The following SFI1 variants were observed in gnomAD, a reference collection of about 807,000 sequenced individuals.
SFI1 encodes protein SFI1 homolog.
SFI1 carries 195 observed loss-of-function variants against 207.5 expected under a neutral mutation model. The ratio of observed to expected loss-of-function variants is 0.94; its 90% confidence interval spans 0.84 to 1.06. The LOEUF (loss-of-function observed/expected upper bound fraction) is 1.06. Ranked by LOEUF, SFI1 falls within the 50% of genes least tolerant of loss-of-function variation. SFI1 has a pLI of 0.00. For synonymous variants in SFI1, 630 were observed against 598.9 expected, an observed-to-expected ratio of 1.05 and a Z score of -0.76; for missense variants, 1,634 against 1,588.0, an observed-to-expected ratio of 1.03 and a Z score of -0.49.
intron 1 of SFI1, among the ~76,000 whole-genome samples, chr22:31,506,625 CA>C (rs1057034275): frequency 6.6e-6 from 1 of 152,010 alleles, no homozygotes; most frequent in African/African-American, 2.4e-5. Context: ...CGTCTCAGCC[CA>C]AAAGCTTCTT....
At position 31,528,951 on chromosome 22, in the gene SFI1, C is replaced by G. The variant is rs993688755; in HGVS notation, c.266+88C>G. The G allele has an allele frequency of 2.5e-5, 33 of 1,336,144 alleles. No homozygotes were observed. The East Asian group carries it at 6.3e-4, about 25-fold the overall frequency. 82.8% of individuals were successfully genotyped at this position (1,336,144 alleles called of 1,614,324 possible). On this transcript the variant is annotated intron_variant, in intron 3 of 32. Coordinates refer to ENST00000400288, the MANE Select transcript of SFI1 (RefSeq NM_001007467.3). ...AATGGGGGAATGATTCTTATTCTTC[C>G]ACCGCAATTAGTGGGAGATCTTGAT...
chr22:31,608,218 C>A (rs2069404809), intron 22 of SFI1, among the ~76,000 whole-genome samples, 185 bp downstream of exon 22: 1 of 152,166 alleles, frequency 6.6e-6, no homozygotes, highest in Non-Finnish European at 1.5e-5. Flanking sequence ...GTTCTGGAGG[C>A]TGGCAGTCAG....
In SFI1 at chr22:31,536,917, C is replaced by CTT. The variant is rs566439554; in HGVS notation, c.338+5796_338+5797dup. Among the ~76,000 whole-genome samples, 12 of 149,432 alleles carry CTT rather than the reference C, an allele frequency of 8.0e-5. No individual in the cohort carries two copies. In the East Asian group the frequency reaches 2.1e-3, roughly 27 times the overall value. ...TTTTTGTTTTTTTTTTTAAAATTAA[C>CTT]TTTTTTTTTACCTTTAGAGACAGGG... On this transcript the variant is annotated intron_variant, in intron 4 of 32. Transcript: ENST00000400288.
chr22:31,564,066 ACCTGTAAT>A (rs2062003307), intron 8 of SFI1, among the ~76,000 whole-genome samples: 1 of 151,566 alleles, frequency 6.6e-6, no homozygotes, highest in African/African-American at 2.4e-5. Context: ...GGTGGCTCAC[ACCTGTAAT>A]CCCAGCACTT....
chr22:31,547,632 T>G (rs1386396181), intron 5 of SFI1, among the ~76,000 whole-genome samples: 1 of 138,512 alleles, frequency 7.2e-6, no homozygotes, highest in East Asian at 2.1e-4. Context: ...TTTTTTTTTG[T>G]TTTTGAGATG....
Position 31,611,123 on chromosome 22 carries a change from C to CT in SFI1, c.2255-19dup. 1 of 1,614,172 alleles carries CT rather than the reference C, an allele frequency of 6.2e-7. No individual in the cohort carries two copies. Among genetic ancestry groups the CT allele is most frequent in the Non-Finnish European group, 8.5e-7 (1 of 1,180,014 alleles). Reference sequence around the variant, plus strand: ...TGGAAATCCCACAAAACAGCAAACTCTGACTTGGATCTGCCTTAGGCTGTC... The same window carrying CT: ...TGGAAATCCCACAAAACAGCAAACTCTTGACTTGGATCTGCCTTAGGCTGTC... On this transcript the variant is annotated intron_variant, in intron 22 of 32. Coordinates refer to ENST00000400288, the MANE Select transcript of SFI1 (RefSeq NM_001007467.3).
At chr22:31,504,585 C>G (rs1270831099) in intron 1 of SFI1, among the ~76,000 whole-genome samples, 2 of 152,170 alleles carry the variant, frequency 1.3e-5, no homozygotes, top group Admixed American at 6.5e-5. Context: ...TTTCCTAGGG[C>G]TGCTGTAACA....
chr22:31,565,963 C>T (rs1208245869), intron 8 of SFI1, among the ~76,000 whole-genome samples: 1 of 152,096 alleles, frequency 6.6e-6, no homozygotes, highest in African/African-American at 2.4e-5. Context: ...GCCACCATGC[C>T]TGGCCCTATC....
chr22:31,521,712 G>T (rs899442190), intron 2 of SFI1: 5 of 151,824 alleles, frequency 3.3e-5, no homozygotes, highest in African/African-American at 4.8e-5. Flanking sequence ...TTTATGTTTT[G>T]TGTGTGTGTG....
chr22:31,551,469 C>T (rs1283685497), intron 6 of SFI1, among the ~76,000 whole-genome samples: 1 of 152,196 alleles, frequency 6.6e-6, no homozygotes, highest in Non-Finnish European at 1.5e-5. Context: ...ATTACTGCAC[C>T]AAATGCACTG....
rs2060869552 is a variant in SFI1 at position 31,553,832 on chromosome 22, G to GATT, written c.545-3107_545-3105dup. On this transcript the variant is annotated intron_variant, in intron 6 of 32. Coordinates refer to ENST00000400288, the MANE Select transcript of SFI1 (RefSeq NM_001007467.3). The stretch of plus-strand genomic sequence containing the variant: ...AAGTCCATTCTATTTTTTTTTAATG[G>GATT]ATTATGTTTTTTTTTTTTTTTTTTT... Among the ~76,000 whole-genome samples, 3 of 72,000 alleles carry GATT rather than the reference G, an allele frequency of 4.2e-5. 1 individual carries two copies. Among genetic ancestry groups the GATT allele is most frequent in the African/African-American group, 1.5e-4 (3 of 20,230 alleles). 47.2% of individuals were successfully genotyped at this position (72,000 alleles called of 152,430 possible).
chr22:31,567,586 T>C (rs1414938035), intron 8 of SFI1, among the ~76,000 whole-genome samples: 1 of 151,778 alleles, frequency 6.6e-6, no homozygotes, highest in Non-Finnish European at 1.5e-5. Flanking sequence ...GGTGTGTGTG[T>C]CTGTTTGCTT....
At chr22:31,511,371 T>C (rs1344465802) in intron 2 of SFI1, among the ~76,000 whole-genome samples, 1 of 151,950 alleles carries the variant, frequency 6.6e-6, no homozygotes, top group African/African-American at 2.4e-5. Context: ...GTCCGCAGAG[T>C]ACTCTTTAGG....
At chr22:31,501,814 C>T (rs904758356) in intron 1 of SFI1, among the ~76,000 whole-genome samples, 4 of 152,196 alleles carry the variant, frequency 2.6e-5, no homozygotes, top group Non-Finnish European at 4.4e-5. Flanking sequence ...AAAATTGATT[C>T]TGGATGGGTC....
Position 31,602,227 on chromosome 22 carries a change from G to T in SFI1, c.1560G>T (p.Lys520Asn). 6.2e-7 allele frequency: 1 copy of T among 1,613,938 alleles called. No homozygotes were observed. Among genetic ancestry groups the T allele is most frequent in the Non-Finnish European group, 8.5e-7 (1 of 1,179,794 alleles). Residue 520 changes from lysine to asparagine, a missense_variant, in exon 16 of 33, where the codon AAG (lysine) becomes AAT (asparagine). Transcript: ENST00000400288. ...ATRFHRETLE[K>N]QVFSLWRQKM... ...TGTTTTTTAGGGAGACATTAGAGAAGCAAGTATTTTCTCTCTGGAGGCAGA... is the reference window on the plus strand; with the variant it reads ...TGTTTTTTAGGGAGACATTAGAGAATCAAGTATTTTCTCTCTGGAGGCAGA...
chr22:31,515,248 T>C (rs1339956827), intron 2 of SFI1, among the ~76,000 whole-genome samples: 5 of 152,154 alleles, frequency 3.3e-5, no homozygotes, highest in African/African-American at 1.2e-4. Flanking sequence ...GTTTATACTC[T>C]TGCTGGCAGT....
At chr22:31,588,243 A>G (rs561830737) in intron 14 of SFI1, among the ~76,000 whole-genome samples, 1 of 152,336 alleles carries the variant, frequency 6.6e-6, no homozygotes, top group South Asian at 2.1e-4. Context: ...GGGAATGTTA[A>G]CCAAAGAACC....
At chr22:31,497,739 A>C (rs550208002) in intron 1 of SFI1, among the ~76,000 whole-genome samples, 17 of 152,290 alleles carry the variant, frequency 1.1e-4, no homozygotes, top group Non-Finnish European at 1.9e-4. Flanking sequence ...GGATGACCAC[A>C]CATCTCTTTA....
chr22:31,499,999 A>C (rs942647283), intron 1 of SFI1, among the ~76,000 whole-genome samples: 9 of 150,388 alleles, frequency 6.0e-5, no homozygotes, highest in South Asian at 2.1e-4. Flanking sequence ...AAAAAAAAAA[A>C]AAAACATTGA....
Sources: gnomAD v4.1 joint callset for allele counts (sites outside exome capture counted in the v4.1 genomes callset) on GRCh38, gnomAD v4.1.1 for gene constraint, MANE v1.5 for transcripts, NCBI Gene and HGNC (gene_info 2026-07-23, HGNC 2026-07-21) for gene names.